Variants in PPARGC1A observed in about 807,000 individuals in gnomAD.
The protein encoded by PPARGC1A is PPARG coactivator 1 alpha.
A neutral mutation model predicts 88.7 loss-of-function variants in PPARGC1A; 25 were observed. That is an observed-to-expected ratio of 0.28 (90% CI 0.21 to 0.39). The LOEUF (loss-of-function observed/expected upper bound fraction) is 0.39, where lower values mean the gene tolerates loss of function less well. PPARGC1A is among the 10% of genes least tolerant of loss of function. PPARGC1A has a pLI of 1.00. For synonymous variants in PPARGC1A, 363 were observed against 355.6 expected (o/e 1.02, Z -0.24); for missense variants, 880 against 968.7 (o/e 0.91, Z 1.22).
chr4:24,429,071 G>A, the PPARGC1A span, among the ~76,000 whole-genome samples: 1 of 152,216 alleles, frequency 6.6e-6, no homozygotes, highest in Admixed American at 6.5e-5. Flanking sequence ...AACAGTGGCA[G>A]AGTACACCCT....
the PPARGC1A span, among the ~76,000 whole-genome samples, chr4:24,033,899 C>T: frequency 5.7e-3 from 862 of 152,308 alleles, 3 homozygotes; most frequent in Non-Finnish European, 9.1e-3. Context: ...ATTTAAGCTG[C>T]TTTCAAGACA....
chr4:24,003,194 A>T, the PPARGC1A span, among the ~76,000 whole-genome samples: 2 of 152,172 alleles, frequency 1.3e-5, no homozygotes, highest in Non-Finnish European at 2.9e-5. Context: ...GATTAGCAAG[A>T]GGGCCAATCT....
At chr4:24,420,765 G>A in the PPARGC1A span, among the ~76,000 whole-genome samples, 12 of 152,152 alleles carry the variant, frequency 7.9e-5, no homozygotes, top group South Asian at 1.9e-3. Context: ...CCGGGGTAGC[G>A]TTCCCAGATG....
At chr4:23,890,328 A>G (rs1476614164), upstream of PPARGC1A, 1 of 194,372 alleles carries the variant, frequency 5.1e-6, no homozygotes, top group Non-Finnish European at 1.0e-5. Flanking sequence ...AATGCCACAG[A>G]CTCTAAACGG....
chr4:24,224,504 G>T, the PPARGC1A span, among the ~76,000 whole-genome samples: 12 of 152,256 alleles, frequency 7.9e-5, 1 homozygote, highest in South Asian at 2.1e-3. Flanking sequence ...CACAATACCT[G>T]GTCTGGCATA....
the PPARGC1A span, among the ~76,000 whole-genome samples, chr4:24,251,590 TTTTA>T: frequency 6.6e-6 from 1 of 152,258 alleles, no homozygotes; most frequent in African/African-American, 2.4e-5. Context: ...CAGACATTTA[TTTTA>T]ATGACAGCCA....
At chr4:24,163,751 AG>A in the PPARGC1A span, among the ~76,000 whole-genome samples, 1 of 152,214 alleles carries the variant, frequency 6.6e-6, no homozygotes, top group Non-Finnish European at 1.5e-5. Flanking sequence ...TACAGATCAA[AG>A]CTAAATACAT....
the PPARGC1A span, among the ~76,000 whole-genome samples, chr4:24,249,408 T>A: frequency 6.6e-6 from 1 of 152,180 alleles, no homozygotes. Context: ...GAGGCCGCGT[T>A]CAGGACACAT....
chr4:23,926,519 A>G, the PPARGC1A span, among the ~76,000 whole-genome samples: 1 of 152,064 alleles, frequency 6.6e-6, no homozygotes, highest in African/African-American at 2.4e-5. Flanking sequence ...GCCCCTCAAC[A>G]TTGACCTAGA....
the PPARGC1A span, among the ~76,000 whole-genome samples, chr4:24,229,348 C>A: frequency 6.7e-6 from 1 of 149,868 alleles, no homozygotes; most frequent in Non-Finnish European, 1.5e-5. Flanking sequence ...GGGGTTTCAC[C>A]ATGTTGGCCA....
At chr4:24,121,872 A>G in the PPARGC1A span, among the ~76,000 whole-genome samples, 1 of 152,186 alleles carries the variant, frequency 6.6e-6, no homozygotes, top group African/African-American at 2.4e-5. Context: ...TTACTGCCAG[A>G]GGAGAACAAT....
At chr4:24,412,297 G>GT in the PPARGC1A span, among the ~76,000 whole-genome samples, 3 of 152,032 alleles carry the variant, frequency 2.0e-5, no homozygotes, top group Admixed American at 6.6e-5. Context: ...CAGGGCAGAG[G>GT]TCAGCAAACT....
At chr4:23,878,318 G>A (rs2148810188) in intron 2 of PPARGC1A, among the ~76,000 whole-genome samples, 1 of 147,894 alleles carries the variant, frequency 6.8e-6, no homozygotes, top group East Asian at 2.0e-4. Flanking sequence ...TTTGCAAACT[G>A]CAAATGGCTA....
intron 7 of PPARGC1A, among the ~76,000 whole-genome samples, chr4:23,815,299 C>T (rs916393442): frequency 1.3e-5 from 2 of 152,062 alleles, no homozygotes; most frequent in African/African-American, 4.8e-5. Flanking sequence ...CCTAGTAAAC[C>T]ATGGCTAATG....
At chr4:23,869,102 A>C (rs1480238036) in intron 2 of PPARGC1A, among the ~76,000 whole-genome samples, 2 of 152,182 alleles carry the variant, frequency 1.3e-5, no homozygotes, top group Non-Finnish European at 2.9e-5. Context: ...CACCACTGGC[A>C]CCATTAATCT....
chr4:23,927,942 A>G, the PPARGC1A span, among the ~76,000 whole-genome samples: 1 of 152,174 alleles, frequency 6.6e-6, no homozygotes, highest in African/African-American at 2.4e-5. Flanking sequence ...TGTGTCAAGC[A>G]TTAATCTTTT....
chr4:24,345,991 T>C, the PPARGC1A span, among the ~76,000 whole-genome samples: 1 of 152,146 alleles, frequency 6.6e-6, no homozygotes, highest in African/African-American at 2.4e-5. Context: ...AATCATAAAG[T>C]GATGCTGGAT....
chr4:23,813,736 A>G lies in PPARGC1A; in HGVS notation c.1747T>C (p.Tyr583His), dbSNP rs770538261. 1.2e-6 allele frequency: 2 copies of G among 1,612,620 alleles called. No individual in the cohort carries two copies. Among genetic ancestry groups the G allele is most frequent in the South Asian group, 1.1e-5 (1 of 90,918 alleles). Residue 583 changes from tyrosine (Y) to histidine (H), a missense_variant, in exon 8 of 13, where the codon TAT (tyrosine) becomes CAT (histidine). Physicochemically the swap from Tyr to His is moderately conservative, Grantham distance 83. Coordinates refer to ENST00000264867, the MANE Select transcript of PPARGC1A (RefSeq NM_013261.5). ...SRHRSCSRSPYSRSRSRSPGS... is the reference protein window; with the variant it reads ...SRHRSCSRSPHSRSRSRSPGS... ...GGAGACCTTGATCTTGACCTGGAAT[A>G]TGGTGATCGGGAACACGACCTGTGT...
chr4:24,436,474 C>T, the PPARGC1A span, among the ~76,000 whole-genome samples: 1 of 150,796 alleles, frequency 6.6e-6, no homozygotes, highest in Admixed American at 6.6e-5. Context: ...GCCCTGGTCA[C>T]ACAGCTGACA....
Sources: gnomAD v4.1 joint callset for allele counts (sites outside exome capture counted in the v4.1 genomes callset) on GRCh38, gnomAD v4.1.1 for gene constraint, MANE v1.5 for transcripts, NCBI Gene and HGNC (gene_info 2026-07-23, HGNC 2026-07-21) for gene names.